Variants in AKR1C3 observed in about 807,000 individuals in gnomAD.
The protein encoded by AKR1C3 is aldo-keto reductase family 1 member C3.
In AKR1C3, 48 loss-of-function variants were observed where a neutral mutation model predicts 43.6. The observed-to-expected ratio is 1.10, with a 90% CI of 0.87 to 1.40. The LOEUF (loss-of-function observed/expected upper bound fraction) is 1.40. Among genes scored for constraint, AKR1C3 ranks in the 40% most tolerant of loss-of-function variants. AKR1C3 has a pLI of 0.00. For synonymous variants in AKR1C3, 162 were observed against 139.6 expected, an observed-to-expected ratio of 1.16 and a Z score of -1.13; for missense variants, 482 against 391.2, an observed-to-expected ratio of 1.23 and a Z score of -1.96.
intron 1 of AKR1C3, among the ~76,000 whole-genome samples, chr10:5,065,293 A>G (rs1421299853): frequency 6.6e-6 from 1 of 152,240 alleles, no homozygotes; most frequent in Non-Finnish European, 1.5e-5. Context: ...TATCATAAAG[A>G]CACGTGCATG....
intron 3 of AKR1C3, chr10:5,098,317 G>A: frequency 2.2e-6 from 1 of 451,638 alleles, no homozygotes. Flanking sequence ...CTTTGGAGCA[G>A]CTCAAGGCTC....
At position 5,105,597 on chromosome 10, in the gene AKR1C3, T is replaced by A; in HGVS notation, c.849T>A (p.Val283=). The part of the protein sequence containing the change: ...NEQRIRQNVQ[V]FEFQLTAEDM... ...TAAAAGTTTTTTATTTCTGATAGGT[T>A]TTTGAGTTCCAGTTGACTGCAGAGG... Residue 283 remains valine (V), a splice_region_variant and synonymous_variant, in exon 8 of 9, where the codon GTT becomes GTA. Coordinates refer to ENST00000380554, the MANE Select transcript of AKR1C3 (RefSeq NM_003739.6). The A allele has an allele frequency of 6.2e-7, 1 of 1,613,468 alleles. No individual in the cohort carries two copies. Among genetic ancestry groups the A allele is most frequent in the South Asian group, 1.1e-5 (1 of 90,968 alleles).
At chr10:5,072,501 G>C (rs1937908) in intron 1 of AKR1C3, among the ~76,000 whole-genome samples, 2 of 152,020 alleles carry the variant, frequency 1.3e-5, no homozygotes, top group South Asian at 2.1e-4. Flanking sequence ...ATGCATGTCA[G>C]TTTTTTGAAA....
At chr10:5,076,269 G>C (rs563960097) in intron 1 of AKR1C3, among the ~76,000 whole-genome samples, 146 of 152,304 alleles carry the variant, frequency 9.6e-4, no homozygotes, top group African/African-American at 3.3e-3. Flanking sequence ...CAATGCAATA[G>C]TGTTGAGATG....
chr10:5,095,041 A>G (rs1350184995), intron 1 of AKR1C3, among the ~76,000 whole-genome samples: 1 of 152,046 alleles, frequency 6.6e-6, no homozygotes, highest in African/African-American at 2.4e-5. Flanking sequence ...CCACTGTACT[A>G]TTTCACTTTT....
At chr10:5,058,891 G>A (rs4881387) in intron 1 of AKR1C3, among the ~76,000 whole-genome samples, 47,810 of 151,792 alleles carry the variant, frequency 0.31, 7,683 homozygotes, top group East Asian at 0.39. Flanking sequence ...TCAAAAACCC[G>A]TTAGAGTCCT....
intron 1 of AKR1C3, among the ~76,000 whole-genome samples, chr10:5,078,983 A>C (rs1838774928): frequency 6.6e-6 from 1 of 152,158 alleles, no homozygotes; most frequent in South Asian, 2.1e-4. Flanking sequence ...CGATAGTGTT[A>C]ACTCCAGTCT....
intron 4 of AKR1C3, 152 bp from the exon 5 acceptor site, chr10:5,099,175 T>C: frequency 3.8e-6 from 5 of 1,326,618 alleles, no homozygotes; most frequent in South Asian, 1.5e-5. Flanking sequence ...TCTTCCCCTA[T>C]TTGCTGTTTG....
At chr10:5,096,706 CACATACTA>C in intron 2 of AKR1C3, 129 bp downstream of exon 2, 1 of 1,416,146 alleles carries the variant, frequency 7.1e-7, no homozygotes, top group East Asian at 2.4e-5. Context: ...CACACATACT[CACATACTA>C]AAACTGAAAT....
At chr10:5,080,707 C>A (rs1392803249) in intron 1 of AKR1C3, 2 of 152,250 alleles carry the variant, frequency 1.3e-5, no homozygotes, top group South Asian at 2.1e-4. Context: ...ATGGAAGGAT[C>A]TTAAGGAAGC....
intron 1 of AKR1C3, among the ~76,000 whole-genome samples, chr10:5,095,271 T>C (rs1301051549): frequency 6.6e-6 from 1 of 152,132 alleles, no homozygotes; most frequent in Non-Finnish European, 1.5e-5. Flanking sequence ...AGTGTGTGAA[T>C]AGGAACTAAT....
chr10:5,054,611 C>T (rs1171748108), intron 1 of AKR1C3, among the ~76,000 whole-genome samples: 1 of 152,060 alleles, frequency 6.6e-6, no homozygotes, highest in Non-Finnish European at 1.5e-5. Context: ...TTCTTTACTA[C>T]TTCCATCTCT....
Position 5,098,788 on chromosome 10 carries a change from T to C in AKR1C3, c.370-14T>C, listed in dbSNP as rs34140485. ...TAATTTGTGACATCATTAAAATGAC[T>C]GCTTCTATTTCAGCCAGGTGAGGAA... is the stretch of plus-strand genomic sequence containing the variant. On this transcript the variant is annotated splice_polypyrimidine_tract_variant and intron_variant, in intron 3 of 8. Transcript: ENST00000380554. 95,916 of 1,609,500 alleles carry C rather than the reference T, an allele frequency of 0.06. 3,316 individuals are homozygous for C. The highest frequency in any genetic ancestry group is 0.091 in the Middle Eastern group (550 of 6,050).
chr10:5,098,665 A>ACTT, intron 3 of AKR1C3, 137 bp from the exon 4 acceptor site: 1 of 705,556 alleles, frequency 1.4e-6, no homozygotes, highest in Non-Finnish European at 2.5e-6. Context: ...TATGTAAAAC[A>ACTT]CTTAGCACAT....
chr10:5,102,659 C>G lies in AKR1C3; in HGVS notation c.846+9C>G, dbSNP rs782804472. The G allele has an allele frequency of 6.9e-7, 1 of 1,454,630 alleles. No individual in the cohort carries two copies. The highest frequency in any genetic ancestry group is 9.1e-7 in the Non-Finnish European group (1 of 1,101,056). The allele number at this position is 1,454,630 out of a possible 1,614,324, so 90.1% of individuals were successfully genotyped here. ...TCAGACAGAACGTGCAGGTGAGGAG[C>G]GGGGCTGTGGGCCTCAGGTCTCCTG... On this transcript the variant is annotated intron_variant, in intron 7 of 8. Coordinates refer to ENST00000380554, the MANE Select transcript of AKR1C3 (RefSeq NM_003739.6).
At chr10:5,085,492 G>C (rs1838943430) in intron 1 of AKR1C3, among the ~76,000 whole-genome samples, 2 of 151,808 alleles carry the variant, frequency 1.3e-5, no homozygotes, top group Admixed American at 1.3e-4. Context: ...ATTTTATTGA[G>C]GATTTTTGCA....
At chr10:5,097,676 AG>A in intron 3 of AKR1C3, 126 bp downstream of exon 3, 1 of 1,558,814 alleles carries the variant, frequency 6.4e-7, no homozygotes, top group Non-Finnish European at 8.6e-7. Flanking sequence ...AAGAACCGTA[AG>A]TGGAACACCT....
In AKR1C3 at chr10:5,086,693, A is replaced by G. The variant is rs1420438328; in HGVS notation, c.85-9717A>G. ...CAGTGGGGTGTTAAAGTCTCCCACT[A>G]TTATTGTGTGGGAATCTAAGTCTCT... On this transcript the variant is annotated intron_variant, in intron 1 of 8. Transcript: ENST00000439082. Among the ~76,000 whole-genome samples, 173 of 152,210 alleles carry G rather than the reference A, an allele frequency of 1.1e-3. 1 individual carries two copies. The highest frequency in any genetic ancestry group is 3.5e-3 in the African/African-American group (145 of 41,526).
At chr10:5,065,616 A>G (rs1287334165) in intron 1 of AKR1C3, among the ~76,000 whole-genome samples, 1 of 152,244 alleles carries the variant, frequency 6.6e-6, no homozygotes, top group Non-Finnish European at 1.5e-5. Context: ...GGTAATGGGC[A>G]TGAGCATAGG....
Sources: gnomAD v4.1 joint callset for allele counts (sites outside exome capture counted in the v4.1 genomes callset) on GRCh38, gnomAD v4.1.1 for gene constraint, MANE v1.5 for transcripts, NCBI Gene and HGNC (gene_info 2026-07-23, HGNC 2026-07-21) for gene names.